Variants in LRRC7 observed in about 807,000 individuals in gnomAD.
LRRC7 encodes the protein leucine rich repeat containing 7.
In LRRC7, 23 loss-of-function variants were observed where a neutral mutation model predicts 175.7. The observed-to-expected ratio is 0.13, with a 90% CI of 0.09 to 0.19. The LOEUF is 0.19. Ranked by LOEUF, LRRC7 falls within the 10% of genes least tolerant of loss-of-function variation. LRRC7 has a pLI of 1.00. For synonymous variants in LRRC7, 685 were observed against 680.9 expected, an observed-to-expected ratio of 1.01 and a Z score of -0.09; for missense variants, 1,354 against 1,904.7, an observed-to-expected ratio of 0.71 and a Z score of 5.38.
chr1:69,884,490 G>C lies in LRRC7; in HGVS notation c.647+46207G>C, dbSNP rs1325060646. On this transcript the variant is annotated intron_variant, in intron 7 of 26. Coordinates refer to ENST00000651989, the MANE Select transcript of LRRC7 (RefSeq NM_001370785.2). Reference sequence around the variant, plus strand: ...TGTATCCTGAGACTTTGCTGAAGTTGCTTATCACCTTAAGGCGATTTTGGG... The same window carrying C: ...TGTATCCTGAGACTTTGCTGAAGTTCCTTATCACCTTAAGGCGATTTTGGG... Among the ~76,000 whole-genome samples the C allele has an allele frequency of 5.6e-4, 75 of 133,168 alleles. 4 individuals carry two copies. Among genetic ancestry groups the C allele is most frequent in the Non-Finnish European group, 1.0e-3 (64 of 64,294 alleles). The allele number at this position is 133,168 out of a possible 152,430, so 87.4% of individuals were successfully genotyped here. A position where few individuals can be genotyped will look rare whatever the true frequency, so the allele number is the denominator to read the frequency against.
intron 1 of LRRC7, among the ~76,000 whole-genome samples, chr1:69,632,030 T>C (rs976191861): frequency 6.6e-6 from 1 of 152,178 alleles, no homozygotes; most frequent in African/African-American, 2.4e-5. Flanking sequence ...CAGCCTCTTT[T>C]TAAATTTTTA....
intron 11 of LRRC7, among the ~76,000 whole-genome samples, chr1:69,999,129 G>T (rs1448175752): frequency 6.6e-5 from 10 of 152,216 alleles, no homozygotes; most frequent in Non-Finnish European, 1.5e-5. Flanking sequence ...ATTTAGTCAT[G>T]TCCTTTGAAA....
intron 1 of LRRC7, among the ~76,000 whole-genome samples, chr1:69,676,868 T>C (rs1659837371): frequency 6.7e-6 from 1 of 150,138 alleles, no homozygotes; most frequent in Admixed American, 6.7e-5. Flanking sequence ...AGGATTTCAG[T>C]GCACATGTCA....
intron 7 of LRRC7, among the ~76,000 whole-genome samples, chr1:69,867,735 A>G (rs1382218402): frequency 6.6e-6 from 1 of 152,180 alleles, no homozygotes; most frequent in Non-Finnish European, 1.5e-5. Flanking sequence ...GAAAGGTTGT[A>G]GGAAAAGAGA....
At chr1:69,591,144 G>A (rs1646616687) in intron 1 of LRRC7, among the ~76,000 whole-genome samples, 1 of 151,970 alleles carries the variant, frequency 6.6e-6, no homozygotes, top group African/African-American at 2.4e-5. Flanking sequence ...CATATCAGAG[G>A]AATACCCTGT....
chr1:70,092,756 G>C (rs1664122719), intron 25 of LRRC7, among the ~76,000 whole-genome samples: 1 of 152,110 alleles, frequency 6.6e-6, no homozygotes, highest in Admixed American at 6.6e-5. Context: ...GGTAATGTGA[G>C]ATTGTTGCAG....
At chr1:69,644,368 T>G (rs1365038689) in intron 1 of LRRC7, among the ~76,000 whole-genome samples, 1 of 152,096 alleles carries the variant, frequency 6.6e-6, no homozygotes, top group Non-Finnish European at 1.5e-5. Flanking sequence ...GGTTGCTACA[T>G]CTTCCTGATG....
chr1:69,694,284 T>A (rs2100669398), intron 2 of LRRC7, among the ~76,000 whole-genome samples: 1 of 152,282 alleles, frequency 6.6e-6, no homozygotes, highest in East Asian at 1.9e-4. Flanking sequence ...TGCTTTAAAT[T>A]TTTTTTATCT....
rs781712945 is a variant in LRRC7 at position 70,023,355 on chromosome 1, C to T, written c.1775C>T (p.Pro592Leu). Residue 592 changes from proline (P) to leucine (L), a missense_variant, in exon 17 of 27, where the codon CCC becomes CTC. Pro to Leu is a moderately conservative substitution (Grantham distance 98, BLOSUM62 -3). Around this residue, in one of 4 missense-constraint regions of LRRC7, gnomAD observed 1,032 missense variants for 1,227.2 expected, o/e 0.84. Coordinates refer to ENST00000651989, the MANE Select transcript of LRRC7 (RefSeq NM_001370785.2). ...GTTGCAGCACAATCCACCACTCTTC[C>T]CTCTCTAAGTGGCAGACAGGTAGGC... ...LPVAAQSTTL[P>L]SLSGRQVEIN... The T allele has an allele frequency of 8.7e-6, 14 of 1,602,126 alleles. No individual in the cohort carries two copies. The Admixed American group carries it at 2.4e-4, about 27-fold the overall frequency.
chr1:69,585,612 GT>G (rs1371699533), intron 1 of LRRC7, among the ~76,000 whole-genome samples: 25 of 152,160 alleles, frequency 1.6e-4, no homozygotes, highest in African/African-American at 5.1e-4. Flanking sequence ...CCCATCATAT[GT>G]ATAAGTATCT....
chr1:69,615,866 G>C (rs1232263446), intron 1 of LRRC7, among the ~76,000 whole-genome samples: 1 of 151,886 alleles, frequency 6.6e-6, no homozygotes, highest in Non-Finnish European at 1.5e-5. Flanking sequence ...CAAATGATCA[G>C]GAAGCAATCC....
At chr1:69,744,358 C>T (rs541320296) in intron 2 of LRRC7, among the ~76,000 whole-genome samples, 280 of 151,816 alleles carry the variant, frequency 1.8e-3, no homozygotes, top group African/African-American at 6.1e-3. Context: ...AGGTGAATGA[C>T]GAAATTATGT....
At chr1:70,067,921 C>T (rs1662099428) in intron 23 of LRRC7, among the ~76,000 whole-genome samples, 1 of 152,186 alleles carries the variant, frequency 6.6e-6, no homozygotes, top group Non-Finnish European at 1.5e-5. Context: ...GTGTTCATTG[C>T]TAGCATACAT....
At chr1:69,855,532 T>A (rs943167407) in intron 7 of LRRC7, among the ~76,000 whole-genome samples, 31 of 152,088 alleles carry the variant, frequency 2.0e-4, no homozygotes, top group East Asian at 9.6e-4. Flanking sequence ...TGCTGAGGAG[T>A]GCTTTACTTC....
In LRRC7 at chr1:70,132,972, A is replaced by G. The variant is rs1666734759; in HGVS notation, c.*11085A>G. Among the ~76,000 whole-genome samples the G allele has an allele frequency of 6.6e-6, 1 of 152,030 alleles. No individual in the cohort carries two copies. The highest frequency in any genetic ancestry group is 1.5e-5 in the Non-Finnish European group (1 of 68,006). ...GGGTGAACATTTCCCTCTGTAACCC[A>G]CCCTTATAAAGCAACAAATTGTGTT... On this transcript the variant is annotated 3_prime_UTR_variant, in exon 27 of 27. Coordinates refer to ENST00000651989, the MANE Select transcript of LRRC7 (RefSeq NM_001370785.2).
chr1:69,749,701 A>G (rs1372393519), intron 2 of LRRC7, among the ~76,000 whole-genome samples: 1 of 152,156 alleles, frequency 6.6e-6, no homozygotes, highest in Admixed American at 6.6e-5. Context: ...AGATGAAGAA[A>G]ATAGATGAAA....
Position 70,013,092 on chromosome 1 carries a change from A to AT in LRRC7, c.1250+8dup. The AT allele has an allele frequency of 6.6e-7, 1 of 1,508,392 alleles. No individual in the cohort carries two copies. The highest frequency in any genetic ancestry group is 9.0e-7 in the Non-Finnish European group (1 of 1,107,090). The allele number at this position is 1,508,392 out of a possible 1,614,324, so 93.4% of individuals were successfully genotyped here. ...GTCCTAAATTTGAGTGACAACAGGT[A>AT]TTTTTGCAACATTTCACAATCACAT... On this transcript the variant is annotated splice_donor_region_variant and intron_variant, in intron 13 of 26. Transcript: ENST00000651989.
intron 2 of LRRC7, among the ~76,000 whole-genome samples, chr1:69,709,124 T>G (rs1664432098): frequency 6.6e-6 from 1 of 152,230 alleles, no homozygotes; most frequent in African/African-American, 2.4e-5. Context: ...TCATGAAACT[T>G]TGTATTAGAC....
chr1:69,692,919 G>A (rs1240388997), intron 2 of LRRC7, among the ~76,000 whole-genome samples: 3 of 152,152 alleles, frequency 2.0e-5, no homozygotes, highest in African/African-American at 4.8e-5. Flanking sequence ...AATGTGGGTG[G>A]GGACCATCCA....
Sources: allele counts gnomAD v4.1 joint callset (sites outside exome capture counted in the v4.1 genomes callset), GRCh38; gene constraint gnomAD v4.1.1; regional missense constraint gnomAD v4.1.1; transcripts MANE v1.5; gene names NCBI Gene and HGNC (gene_info 2026-07-23, HGNC 2026-07-21).